Variants in DST observed in about 807,000 individuals in gnomAD.
DST encodes bullous pemphigoid antigen.
A neutral mutation model predicts 875.2 loss-of-function variants in DST; 253 were observed. The ratio of observed to expected loss-of-function variants is 0.29; its 90% CI spans 0.26 to 0.32. DST has a LOEUF of 0.32. Among genes scored for constraint, DST ranks in the 10% least tolerant of loss-of-function variants. DST has a pLI of 1.00. For synonymous variants in DST, 3,124 were observed against 3,197.1 expected, an observed-to-expected ratio of 0.98 and a Z score of 0.77; for missense variants, 8,287 against 9,111.6, an observed-to-expected ratio of 0.91 and a Z score of 3.68.
intron 64 of DST, among the ~76,000 whole-genome samples, chr6:56,531,541 T>C (rs1168661775): frequency 6.6e-6 from 1 of 152,190 alleles, no homozygotes; most frequent in Non-Finnish European, 1.5e-5. Context: ...AATTATACTC[T>C]GTATTTGAAG....
intron 2 of DST, among the ~76,000 whole-genome samples, chr6:56,943,152 C>T (rs1367615559): frequency 2.0e-5 from 3 of 152,094 alleles, no homozygotes; most frequent in African/African-American, 7.2e-5. Flanking sequence ...ATAAAAATTG[C>T]CTCAAATCTT....
At chr6:56,906,986 T>G (rs1409863491) in intron 2 of DST, among the ~76,000 whole-genome samples, 1 of 152,226 alleles carries the variant, frequency 6.6e-6, no homozygotes, top group Non-Finnish European at 1.5e-5. Flanking sequence ...TACACCAAGA[T>G]GCTCCAGAGC....
intron 98 of DST, chr6:56,467,140 C>T (rs954283516): frequency 7.9e-5 from 12 of 152,128 alleles, no homozygotes; most frequent in African/African-American, 2.2e-4. Flanking sequence ...CTGAATTTCA[C>T]GGTTGTCATC....
chr6:56,490,299 T>C (rs907196063), intron 85 of DST, among the ~76,000 whole-genome samples: 1 of 152,146 alleles, frequency 6.6e-6, no homozygotes, highest in Admixed American at 6.5e-5. Flanking sequence ...ACTATATATA[T>C]TTGATTTTGA....
At chr6:56,504,303 C>T (rs911804827) in intron 77 of DST, among the ~76,000 whole-genome samples, 5 of 152,008 alleles carry the variant, frequency 3.3e-5, no homozygotes, top group African/African-American at 7.2e-5. Context: ...TAGATACATA[C>T]AAGTTTGCAA....
intron 55 of DST, among the ~76,000 whole-genome samples, chr6:56,567,763 T>C (rs2097706365): frequency 6.6e-6 from 1 of 151,950 alleles, no homozygotes; most frequent in Non-Finnish European, 1.5e-5. Flanking sequence ...CAGAGGATAC[T>C]CAGAACTCTC....
intron 2 of DST, among the ~76,000 whole-genome samples, chr6:56,934,548 TTATATATTATATTATATATATATATATA>T (rs1811851405): frequency 9.4e-6 from 1 of 105,964 alleles, no homozygotes; most frequent in African/African-American, 3.7e-5. Flanking sequence ...AATATACATA[TTATATATTATATTATATATATATATATA>T]TATATATATA....
chr6:56,727,695 G>A (rs142653206), intron 5 of DST, among the ~76,000 whole-genome samples: 7 of 152,306 alleles, frequency 4.6e-5, no homozygotes, highest in Admixed American at 2.0e-4. Flanking sequence ...AGCCAAGATA[G>A]AGTATATGAG....
rs770483443 is a variant in DST, at chr6:56,530,120, C to T, written c.17122G>A (p.Glu5708Lys). The change falls in exon 65 of 104, where the codon GAA becomes AAA. Residue 5708 changes from glutamate to lysine, a missense_variant. By Grantham distance (56) the Glu-to-Lys change is moderately conservative (BLOSUM62 1). Around this residue, in one of 10 missense-constraint regions of DST, gnomAD observed 777 missense variants for 764.8 expected, o/e 1.02. Coordinates refer to ENST00000680361, the MANE Select transcript of DST (RefSeq NM_001374736.1). ...TGCTGTGCTACCACCGAGATACCTT[C>T]CAACTGACGATTCCTACAAATGTGC... ...NKAETRNRQLEGISVVAQQFH... is the reference protein window; with the variant it reads ...NKAETRNRQLKGISVVAQQFH... 2 of 1,591,618 alleles carry T rather than the reference C, an allele frequency of 1.3e-6. No individual in the cohort carries two copies. The highest frequency in any genetic ancestry group is 1.8e-5 in the Admixed American group (1 of 55,590).
At chr6:56,477,528 G>A in intron 90 of DST, 40 bp from the exon 91 acceptor site, 1 of 1,610,580 alleles carries the variant, frequency 6.2e-7, no homozygotes, top group Non-Finnish European at 8.5e-7. Context: ...TGTTGGCATT[G>A]GCTGAAAACA....
rs138192716 is a variant in DST at position 56,786,084 on chromosome 6, A to G, written c.626-50795T>C. On this transcript the variant is annotated intron_variant, in intron 4 of 103. Coordinates refer to ENST00000680361, the MANE Select transcript of DST (RefSeq NM_001374736.1). ...CTAACTCAGAAGCTGTCATTAATGA[A>G]TAAAACTGTGTGTGTTTGTGTGTGC... 3.4e-3 allele frequency among the ~76,000 whole-genome samples: 517 copies of G among 152,342 alleles called. 4 individuals carry two copies. Among genetic ancestry groups the G allele is most frequent in the African/African-American group, 0.012 (502 of 41,576 alleles).
chr6:56,934,567 T>TATAC (rs1477070102), intron 2 of DST, among the ~76,000 whole-genome samples: 1 of 129,608 alleles, frequency 7.7e-6, no homozygotes, highest in African/African-American at 3.1e-5. Context: ...ATATTATATA[T>TATAC]ATATATATAT....
At chr6:56,762,449 G>A (rs2099619504) in intron 4 of DST, among the ~76,000 whole-genome samples, 1 of 152,182 alleles carries the variant, frequency 6.6e-6, no homozygotes, top group Non-Finnish European at 1.5e-5. Context: ...CTCCTCCAGA[G>A]TCCAGCCCCA....
chr6:56,732,829 T>G (rs905336551), intron 5 of DST, among the ~76,000 whole-genome samples: 2 of 152,202 alleles, frequency 1.3e-5, no homozygotes, highest in Admixed American at 1.3e-4. Context: ...CCTATTGCAG[T>G]GCTCAAAGAA....
intron 58 of DST, among the ~76,000 whole-genome samples, chr6:56,559,514 G>C (rs979116926): frequency 6.6e-6 from 1 of 152,060 alleles, no homozygotes; most frequent in Non-Finnish European, 1.5e-5. Flanking sequence ...ACCATTGAAA[G>C]TAAAATAATT....
At chr6:56,804,253 A>G (rs1277927761) in intron 4 of DST, among the ~76,000 whole-genome samples, 1 of 152,186 alleles carries the variant, frequency 6.6e-6, no homozygotes, top group African/African-American at 2.4e-5. Context: ...TGCAATGAGA[A>G]GGATTTACAC....
At chr6:56,601,367 A>G in intron 44 of DST, 76 bp downstream of exon 44, 1 of 940,396 alleles carries the variant, frequency 1.1e-6, no homozygotes, top group Non-Finnish European at 1.6e-6. Context: ...TTCCTGTCAC[A>G]CTATACTCCT....
intron 36 of DST, chr6:56,615,725 T>C: frequency 6.2e-7 from 1 of 1,614,196 alleles, no homozygotes; most frequent in Non-Finnish European, 8.5e-7. Context: ...AATACCTACT[T>C]GGAGAGCCTC....
At chr6:56,477,253 T>C (rs959022705) in intron 91 of DST, 92 bp downstream of exon 91, 1 of 1,360,404 alleles carries the variant, frequency 7.4e-7, no homozygotes, top group Non-Finnish European at 9.8e-7. Flanking sequence ...CATTTTCCCA[T>C]GGCCATAAGT....
Sources: gnomAD v4.1 joint callset for allele counts (sites outside exome capture counted in the v4.1 genomes callset) on GRCh38, gnomAD v4.1.1 for gene constraint, gnomAD v4.1.1 regional missense constraint, MANE v1.5 for transcripts, NCBI Gene and HGNC (gene_info 2026-07-23, HGNC 2026-07-21) for gene names.